CCDC50: variants seen among roughly 807,000 people sequenced by gnomAD.
The protein encoded by CCDC50 is coiled-coil domain-containing protein 50.
In CCDC50, 54 loss-of-function variants were observed where a neutral mutation model predicts 70.2. The observed-to-expected ratio is 0.77, with a 90% confidence interval of 0.62 to 0.96. The LOEUF (loss-of-function observed/expected upper bound fraction) is 0.96. Ranked by LOEUF, CCDC50 falls within the 50% of genes least tolerant of loss-of-function variation. The pLI, the probability that CCDC50 is intolerant of heterozygous loss-of-function variation, is 0.00. For synonymous variants in CCDC50, 216 were observed against 198.8 expected, an observed-to-expected ratio of 1.09 and a Z score of -0.73; for missense variants, 558 against 578.7, an observed-to-expected ratio of 0.96 and a Z score of 0.37.
chr3:191,380,881 G>A lies in CCDC50; in HGVS notation c.1191G>A (p.Lys397=), dbSNP rs1312392740. ...AEEKKAYKKA[K]EREKSSLDKR... ...AAAAGAAAGCTTACAAAAAAGCCAA[G>A]GAGCGGGAGAAATCATCTTTGGACA... Residue 397 remains lysine (K), a synonymous_variant, in exon 9 of 12, where the codon AAG becomes AAA. Transcript: ENST00000392455. 1 of 1,612,962 alleles carries A rather than the reference G, an allele frequency of 6.2e-7. No individual in the cohort carries two copies. The highest frequency in any genetic ancestry group is 1.1e-5 in the South Asian group (1 of 91,046).
chr3:191,375,396 G>A lies in CCDC50; in HGVS notation c.783G>A (p.Gln261=), dbSNP rs756744818. 6.2e-7 allele frequency: 1 copy of A among 1,613,772 alleles called. No homozygotes were observed. Among genetic ancestry groups the A allele is most frequent in the Non-Finnish European group, 8.5e-7 (1 of 1,179,858 alleles). Residue 261 remains glutamine (Q), a synonymous_variant, in exon 6 of 12, where the codon CAG becomes CAA. Coordinates refer to ENST00000392455, the MANE Select transcript of CCDC50 (RefSeq NM_178335.3). ...CDDWETKINH[Q]TRNWEKQSRH... is the part of the protein sequence containing the mutation. ...ACTGGGAGACTAAGATTAACCATCAGACTCGAAATTGGGAAAAACAGTCTC... is the reference window on the plus strand; with the variant it reads ...ACTGGGAGACTAAGATTAACCATCAAACTCGAAATTGGGAAAAACAGTCTC...
intron 1 of CCDC50, among the ~76,000 whole-genome samples, chr3:191,342,204 T>A (rs1370235441): frequency 6.6e-6 from 1 of 152,150 alleles, no homozygotes; most frequent in Non-Finnish European, 1.5e-5. Flanking sequence ...GTGTGTAGAG[T>A]TCTGACAAAT....
intron 4 of CCDC50, among the ~76,000 whole-genome samples, chr3:191,366,930 G>A (rs938029427): frequency 1.3e-4 from 20 of 152,116 alleles, no homozygotes; most frequent in African/African-American, 4.8e-4. Flanking sequence ...AATTGCCATC[G>A]TCAGCTTGTT....
intron 1 of CCDC50, among the ~76,000 whole-genome samples, chr3:191,346,596 C>T (rs1452249239): frequency 3.9e-5 from 6 of 152,128 alleles, no homozygotes; most frequent in African/African-American, 1.4e-4. Context: ...AAATAACAGA[C>T]CTCAGAATGT....
At chr3:191,355,098 G>T (rs1712234773) in intron 1 of CCDC50, among the ~76,000 whole-genome samples, 1 of 151,934 alleles carries the variant, frequency 6.6e-6, no homozygotes, top group Non-Finnish European at 1.5e-5. Flanking sequence ...CCTTTCTCAG[G>T]CTTAGTAAAT....
chr3:191,386,270 G>C (rs1713493873), intron 10 of CCDC50, among the ~76,000 whole-genome samples: 1 of 136,234 alleles, frequency 7.3e-6, no homozygotes, highest in Admixed American at 8.2e-5. Context: ...TGCCACCCAG[G>C]CTGGAGTGCA....
intron 4 of CCDC50, among the ~76,000 whole-genome samples, chr3:191,364,084 T>A (rs1244527604): frequency 6.6e-6 from 1 of 151,956 alleles, no homozygotes; most frequent in Non-Finnish European, 1.5e-5. Context: ...ATTTTTTTTT[T>A]TTTTAGACAG....
Position 191,349,324 on chromosome 3 carries a change from C to T in CCDC50, c.50-7764C>T, listed in dbSNP as rs139872684. Among the ~76,000 whole-genome samples, 60 of 141,844 alleles carry T rather than the reference C, an allele frequency of 4.2e-4. 1 individual carries two copies. The East Asian group carries it at 8.1e-3, about 19-fold the overall frequency. 93.1% of individuals were successfully genotyped at this position (141,844 alleles called of 152,430 possible). A position where few individuals can be genotyped will look rare whatever the true frequency, so the allele number is the denominator to read the frequency against. ...GGGAGACATTTCTTTTGTAGGGTAG[C>T]GTAAAAGTTTTACAAAATACGTTTA... is the stretch of plus-strand genomic sequence containing the variant. On this transcript the variant is annotated intron_variant, in intron 1 of 11. Transcript: ENST00000392455.
At chr3:191,365,251 G>C (rs1712642857) in intron 4 of CCDC50, among the ~76,000 whole-genome samples, 1 of 151,276 alleles carries the variant, frequency 6.6e-6, no homozygotes, top group Non-Finnish European at 1.5e-5. Context: ...AGTATAAACT[G>C]CTCAGGGATA....
intron 9 of CCDC50, 122 bp from the exon 10 acceptor site, chr3:191,382,624 A>G: frequency 4.5e-6 from 3 of 674,046 alleles, no homozygotes; most frequent in Middle Eastern, 3.5e-4. Flanking sequence ...ATTAATCTGA[A>G]ATTACTAAGG....
At chr3:191,386,655 C>T (rs1713507327) in intron 10 of CCDC50, among the ~76,000 whole-genome samples, 1 of 152,142 alleles carries the variant, frequency 6.6e-6, no homozygotes, top group African/African-American at 2.4e-5. Flanking sequence ...AATCCATGTA[C>T]AAAAATCAGT....
chr3:191,374,439 A>G (rs1488707245), intron 5 of CCDC50, among the ~76,000 whole-genome samples: 1 of 152,002 alleles, frequency 6.6e-6, no homozygotes. Context: ...CATGAACTCA[A>G]AATTCTCATC....
chr3:191,336,372 T>G (rs1455622751), intron 1 of CCDC50, among the ~76,000 whole-genome samples: 4 of 152,124 alleles, frequency 2.6e-5, no homozygotes, highest in Non-Finnish European at 4.4e-5. Flanking sequence ...TTTGAGCAAG[T>G]GTGTCATGAT....
At chr3:191,352,564 A>G (rs1424182677) in intron 1 of CCDC50, among the ~76,000 whole-genome samples, 1 of 142,636 alleles carries the variant, frequency 7.0e-6, no homozygotes, top group East Asian at 1.9e-4. Flanking sequence ...TTAAATTTAG[A>G]TATGTACATA....
In CCDC50 at chr3:191,373,083, G is replaced by A. The variant is rs199884446; in HGVS notation, c.449-1979G>A. Among the ~76,000 whole-genome samples the A allele has an allele frequency of 5.4e-5, 4 of 74,610 alleles. No homozygotes were observed. In the East Asian group the frequency reaches 1.3e-3, roughly 25 times the overall value. 48.9% of individuals were successfully genotyped at this position (74,610 alleles called of 152,430 possible). On this transcript the variant is annotated intron_variant, in intron 5 of 11. Transcript: ENST00000392455. ...TGCAGATATATATGTGTATAAATAT[G>A]TGTGTGTGTGTGTATATATATATTA... is the stretch of plus-strand genomic sequence containing the variant.
intron 5 of CCDC50, chr3:191,370,362 C>A: frequency 3.4e-6 from 1 of 293,466 alleles, no homozygotes; most frequent in Non-Finnish European, 6.5e-6. Context: ...TATCCCTCCC[C>A]CCTCCCCCCA....
intron 1 of CCDC50, chr3:191,330,651 G>C (rs1230982576): frequency 6.6e-6 from 1 of 152,176 alleles, no homozygotes; most frequent in Non-Finnish European, 1.5e-5. Flanking sequence ...CATTTGTATC[G>C]ATTGAATACT....
chr3:191,338,377 C>T (rs1051913998), intron 1 of CCDC50, among the ~76,000 whole-genome samples: 7 of 152,116 alleles, frequency 4.6e-5, no homozygotes, highest in Admixed American at 3.9e-4. Context: ...GGAGTCCTGA[C>T]GTAGAAGAAA....
chr3:191,385,500 T>C (rs549120243), intron 10 of CCDC50, among the ~76,000 whole-genome samples: 79 of 152,340 alleles, frequency 5.2e-4, no homozygotes, highest in African/African-American at 1.9e-3. Context: ...TTAATAGGGT[T>C]GTTTTTTCCT....
Sources: allele counts gnomAD v4.1 joint callset (sites outside exome capture counted in the v4.1 genomes callset), GRCh38; gene constraint gnomAD v4.1.1; transcripts MANE v1.5; gene names NCBI Gene and HGNC (gene_info 2026-07-23, HGNC 2026-07-21).